Variants in MPDZ observed in about 807,000 individuals in gnomAD.
MPDZ encodes multiple PDZ domain crumbs cell polarity complex component, also known as multiple PDZ domain protein.
MPDZ carries 234 observed loss-of-function variants against 239.1 expected under a neutral mutation model. The ratio of observed to expected loss-of-function variants is 0.98; its 90% CI spans 0.88 to 1.09. The LOEUF (loss-of-function observed/expected upper bound fraction) is 1.09, where lower values mean the gene tolerates loss of function less well. Among genes scored for constraint, MPDZ ranks in the 50% least tolerant of loss-of-function variants. MPDZ has a pLI of 0.00. For missense variants in MPDZ, 3,175 were observed against 2,510.0 expected, an observed-to-expected ratio of 1.26 and a Z score of -5.66; for synonymous variants, 1,048 against 881.3, an observed-to-expected ratio of 1.19 and a Z score of -3.35.
At chr9:13,180,403 C>T (rs973390184) in intron 19 of MPDZ, among the ~76,000 whole-genome samples, 3 of 152,082 alleles carry the variant, frequency 2.0e-5, no homozygotes, top group Non-Finnish European at 4.4e-5. Flanking sequence ...ATAGACACCA[C>T]ATTGGTAACA....
At chr9:13,278,455 C>A (rs1281506184) in intron 1 of MPDZ, among the ~76,000 whole-genome samples, 1 of 152,184 alleles carries the variant, frequency 6.6e-6, no homozygotes, top group East Asian at 1.9e-4. Context: ...GCAGTCTCCG[C>A]TTGATTTCCA....
intron 2 of MPDZ, among the ~76,000 whole-genome samples, chr9:13,249,973 C>T (rs1189844693): frequency 1.3e-5 from 2 of 152,136 alleles, no homozygotes; most frequent in East Asian, 3.9e-4. Context: ...GCTAAACTTC[C>T]AGATGCTTTC....
intron 32 of MPDZ, among the ~76,000 whole-genome samples, chr9:13,131,440 G>C (rs771064556): frequency 6.6e-6 from 1 of 152,106 alleles, no homozygotes; most frequent in African/African-American, 2.4e-5. Context: ...ATCTCAGGAG[G>C]AAAGTGAGAC....
intron 32 of MPDZ, among the ~76,000 whole-genome samples, chr9:13,130,068 A>T (rs1945731586): frequency 6.6e-6 from 1 of 152,212 alleles, no homozygotes; most frequent in Admixed American, 6.5e-5. Flanking sequence ...CACAGCTTTG[A>T]CAATCACAGA....
chr9:13,269,135 G>T (rs1034758483), intron 1 of MPDZ, among the ~76,000 whole-genome samples: 1 of 152,182 alleles, frequency 6.6e-6, no homozygotes, highest in Non-Finnish European at 1.5e-5. Context: ...GTTGGTAACT[G>T]TTAGGGCCAG....
At chr9:13,260,295 A>G (rs941192958) in intron 1 of MPDZ, among the ~76,000 whole-genome samples, 1 of 152,146 alleles carries the variant, frequency 6.6e-6, no homozygotes, top group Non-Finnish European at 1.5e-5. Flanking sequence ...GAAGAAAAGG[A>G]AAATAAAGGA....
chr9:13,199,572 C>T (rs1301496831), intron 12 of MPDZ, among the ~76,000 whole-genome samples: 2 of 151,932 alleles, frequency 1.3e-5, no homozygotes, highest in Admixed American at 1.3e-4. Flanking sequence ...GCATCGTTGT[C>T]TTGTTCCAGA....
chr9:13,119,374 T>G, intron 39 of MPDZ, 128 bp downstream of exon 39: 1 of 1,142,220 alleles, frequency 8.8e-7, no homozygotes, highest in Non-Finnish European at 1.2e-6. Flanking sequence ...CGTGAGCCAT[T>G]GCACCTGGCC....
At position 13,176,374 on chromosome 9, in the gene MPDZ, A is replaced by G. The variant is rs764546791; in HGVS notation, c.2693T>C (p.Met898Thr). The G allele has an allele frequency of 6.2e-7, 1 of 1,604,432 alleles. No individual in the cohort carries two copies. The highest frequency in any genetic ancestry group is 8.5e-7 in the Non-Finnish European group (1 of 1,174,994). Residue 898 changes from methionine (M) to threonine (T), a missense_variant, in exon 20 of 47, where the codon ATG becomes ACG. Transcript: ENST00000319217. ...CTGGGTATATAGTTCCTCCAGAGAC[A>G]TATGCAGATCAAGTACTGGATCACA... The part of the protein sequence containing the change: ...NSCDPVLDLH[M>T]SLEELYTQNL...
chr9:13,170,783 G>C (rs977326401), intron 21 of MPDZ, among the ~76,000 whole-genome samples: 3 of 152,116 alleles, frequency 2.0e-5, no homozygotes, highest in Non-Finnish European at 4.4e-5. Context: ...CAGCTATTAA[G>C]GCTGTCAGGT....
rs532511704 is a variant in MPDZ at position 13,148,663 on chromosome 9, G to A, written c.3631-1005C>T. ...CATATGTCTACTATATATTCCATTC[G>A]TGGAAAAATTTAAAAGGATGTTAAT... On this transcript the variant is annotated intron_variant, in intron 25 of 46. Transcript: ENST00000319217. 9.9e-5 allele frequency among the ~76,000 whole-genome samples: 15 copies of A among 151,806 alleles called. No individual in the cohort carries two copies. The South Asian group carries it at 1.0e-3, about 11-fold the overall frequency.
chr9:13,151,851 C>G (rs1197179261), intron 24 of MPDZ, among the ~76,000 whole-genome samples: 1 of 151,354 alleles, frequency 6.6e-6, no homozygotes, highest in African/African-American at 2.4e-5. Context: ...TTAATTTTTA[C>G]AAATATTACT....
At chr9:13,162,870 A>G in intron 22 of MPDZ, 75 bp from the exon 23 acceptor site, 3 of 949,966 alleles carry the variant, frequency 3.2e-6, no homozygotes, top group South Asian at 1.5e-5. Context: ...CTTCTAAAAT[A>G]AAGGAAACAA....
At chr9:13,215,149 G>A (rs1958137034) in intron 10 of MPDZ, among the ~76,000 whole-genome samples, 1 of 151,832 alleles carries the variant, frequency 6.6e-6, no homozygotes, top group Admixed American at 6.6e-5. Flanking sequence ...GTCCCTGGGA[G>A]CCACTAATCT....
intron 28 of MPDZ, 103 bp from the exon 29 acceptor site, chr9:13,138,256 T>A: frequency 8.3e-7 from 1 of 1,205,912 alleles, no homozygotes; most frequent in Non-Finnish European, 1.1e-6. Context: ...ACAGATTTTA[T>A]ACCAAAATGT....
At chr9:13,180,675 A>C (rs1207045356) in intron 19 of MPDZ, among the ~76,000 whole-genome samples, 1 of 152,212 alleles carries the variant, frequency 6.6e-6, no homozygotes, top group South Asian at 2.1e-4. Flanking sequence ...GATTAACCAA[A>C]GAAATCAAAC....
chr9:13,236,601 C>G (rs780409986), intron 3 of MPDZ, among the ~76,000 whole-genome samples: 1 of 151,632 alleles, frequency 6.6e-6, no homozygotes, highest in Admixed American at 6.6e-5. Context: ...ATTTTATAAA[C>G]TCGTTTTCTT....
chr9:13,107,487 G>T (rs1040753818), intron 46 of MPDZ, among the ~76,000 whole-genome samples: 2 of 152,260 alleles, frequency 1.3e-5, no homozygotes, highest in African/African-American at 4.8e-5. Context: ...CCTACAGAAA[G>T]AAGGTAAAGG....
chr9:13,127,362 C>G (rs1563856435), intron 32 of MPDZ, among the ~76,000 whole-genome samples: 2 of 152,212 alleles, frequency 1.3e-5, no homozygotes, highest in South Asian at 4.1e-4. Flanking sequence ...GAGAACCTGC[C>G]AAGGCTGGGG....
Sources: allele counts gnomAD v4.1 joint callset (sites outside exome capture counted in the v4.1 genomes callset), GRCh38; gene constraint gnomAD v4.1.1; transcripts MANE v1.5; gene names NCBI Gene and HGNC (gene_info 2026-07-23, HGNC 2026-07-21).